The following SHB variants were observed in gnomAD, a reference collection of about 807,000 sequenced individuals.
The protein encoded by SHB is SH2 domain containing adaptor protein B.
A neutral mutation model predicts 52.3 loss-of-function variants in SHB; 20 were observed. The ratio of observed to expected loss-of-function variants is 0.38; its 90% CI spans 0.27 to 0.56. The LOEUF is 0.56. Ranked by LOEUF, SHB falls within the 20% of genes least tolerant of loss-of-function variation. SHB has a pLI of 0.71. For synonymous variants in SHB, 397 were observed against 316.5 expected (o/e 1.25, Z -2.70); for missense variants, 825 against 723.3 (o/e 1.14, Z -1.61).
At chr9:38,008,155 C>T (rs996157463) in intron 2 of SHB, among the ~76,000 whole-genome samples, 15 of 152,228 alleles carry the variant, frequency 9.9e-5, no homozygotes, top group African/African-American at 3.1e-4. Context: ...TGACTGTCTG[C>T]TCTCCTTGGC....
intron 5 of SHB, among the ~76,000 whole-genome samples, chr9:37,930,012 G>A (rs1245011066): frequency 6.6e-6 from 1 of 152,294 alleles, no homozygotes; most frequent in South Asian, 2.1e-4. Flanking sequence ...TGAGGTGGGA[G>A]GATTGCTTGA....
At chr9:37,977,298 G>A (rs1318070379) in intron 2 of SHB, among the ~76,000 whole-genome samples, 1 of 152,208 alleles carries the variant, frequency 6.6e-6, no homozygotes, top group East Asian at 1.9e-4. Context: ...TCTCTGCTGA[G>A]AGGTGAGATT....
At chr9:37,983,640 A>G (rs1820766576) in intron 2 of SHB, among the ~76,000 whole-genome samples, 1 of 152,128 alleles carries the variant, frequency 6.6e-6, no homozygotes, top group South Asian at 2.1e-4. Flanking sequence ...GTAGCAAGCT[A>G]GGTAGAGTTG....
At chr9:37,929,631 C>T (rs985542379) in intron 5 of SHB, among the ~76,000 whole-genome samples, 1 of 152,210 alleles carries the variant, frequency 6.6e-6, no homozygotes. Context: ...GCTGCAGGAG[C>T]GTCTCCTCCA....
chr9:38,014,345 G>A (rs1015442870), intron 2 of SHB, among the ~76,000 whole-genome samples: 2 of 152,260 alleles, frequency 1.3e-5, no homozygotes, highest in Non-Finnish European at 2.9e-5. Flanking sequence ...CAGGCCGCAG[G>A]CCACAGCCCA....
At chr9:38,011,266 A>G (rs746090627) in intron 2 of SHB, among the ~76,000 whole-genome samples, 2 of 152,208 alleles carry the variant, frequency 1.3e-5, no homozygotes, top group Non-Finnish European at 2.9e-5. Context: ...TACAGAGATG[A>G]TGGGGCATGA....
At chr9:38,065,412 T>C (rs968191883) in intron 1 of SHB, among the ~76,000 whole-genome samples, 1 of 152,116 alleles carries the variant, frequency 6.6e-6, no homozygotes, top group Admixed American at 6.5e-5. Flanking sequence ...TGAGTGGTTT[T>C]CAAACCATGG....
chr9:38,011,316 G>C (rs1242540821), intron 2 of SHB, among the ~76,000 whole-genome samples: 1 of 152,160 alleles, frequency 6.6e-6, no homozygotes, highest in Non-Finnish European at 1.5e-5. Flanking sequence ...TCTTTAAATT[G>C]TACACAAGGA....
chr9:37,920,280 CAAAACAAAACAA>C (rs1274715129), intron 5 of SHB, among the ~76,000 whole-genome samples: 1 of 18,828 alleles, frequency 5.3e-5, no homozygotes, highest in Admixed American at 5.6e-4. Context: ...TTCAGAAAAA[CAAAACAAAACAA>C]AACAAAACAA....
chr9:37,933,420 G>T (rs949102474), intron 5 of SHB, among the ~76,000 whole-genome samples: 2 of 152,236 alleles, frequency 1.3e-5, no homozygotes, highest in Non-Finnish European at 2.9e-5. Flanking sequence ...ACATGGGAAG[G>T]AAGGATATTA....
chr9:37,918,932 G>A lies in SHB; in HGVS notation c.*889C>T, dbSNP rs778405256. Among the ~76,000 whole-genome samples, 2 of 152,116 alleles carry A rather than the reference G, an allele frequency of 1.3e-5. No individual in the cohort carries two copies. Among genetic ancestry groups the A allele is most frequent in the African/African-American group, 4.8e-5 (2 of 41,426 alleles). ...CTGGGTTGACTCCCAGAGTGCTACC[G>A]ACTGCCTCAGCCCAGTTGTCAGAGC... is the stretch of plus-strand genomic sequence containing the variant. On this transcript the variant is annotated 3_prime_UTR_variant, in exon 6 of 6. Transcript: ENST00000377707.
rs536983566 is a variant in SHB at position 37,919,607 on chromosome 9, C to T, written c.*214G>A. 4.5e-5 allele frequency: 16 copies of T among 356,304 alleles called. No homozygotes were observed. Among genetic ancestry groups the T allele is most frequent in the Non-Finnish European group, 7.3e-5 (14 of 192,748 alleles). 22.1% of individuals were successfully genotyped at this position (356,304 alleles called of 1,614,324 possible). Reference sequence around the variant, plus strand: ...CTCAAGGAGAGGGTGGGGGTGGGGGCTGGGGTGGTGTGTTGCCGCCCTTCT... The same window carrying T: ...CTCAAGGAGAGGGTGGGGGTGGGGGTTGGGGTGGTGTGTTGCCGCCCTTCT... On this transcript the variant is annotated 3_prime_UTR_variant, in exon 6 of 6. Coordinates refer to ENST00000377707, the MANE Select transcript of SHB (RefSeq NM_003028.3).
Position 37,938,528 on chromosome 9 carries a change from G to A in SHB, c.1346+10107C>T, listed in dbSNP as rs183589124. Among the ~76,000 whole-genome samples, 435 of 152,372 alleles carry A rather than the reference G, an allele frequency of 2.9e-3. 1 individual carries two copies. The highest frequency in any genetic ancestry group is 4.8e-3 in the Non-Finnish European group (326 of 68,032). On this transcript the variant is annotated intron_variant, in intron 5 of 5. Coordinates refer to ENST00000377707, the MANE Select transcript of SHB (RefSeq NM_003028.3). The stretch of plus-strand genomic sequence containing the variant: ...TTCTCATTTGGAGAGACCACCCAAT[G>A]CCTCAGAAGGCAACTGTCCCGGGGC...
At chr9:38,062,049 A>G (rs1000799821) in intron 1 of SHB, among the ~76,000 whole-genome samples, 1 of 152,250 alleles carries the variant, frequency 6.6e-6, no homozygotes, top group Non-Finnish European at 1.5e-5. Flanking sequence ...ACACCAAAGC[A>G]AAGGCTGAAA....
chr9:37,991,436 T>C (rs1411913592), intron 2 of SHB, among the ~76,000 whole-genome samples: 1 of 152,274 alleles, frequency 6.6e-6, no homozygotes, highest in East Asian at 1.9e-4. Context: ...TTTCACTTCA[T>C]GTAATGTTTA....
intron 1 of SHB, among the ~76,000 whole-genome samples, chr9:38,022,183 C>T (rs1821289712): frequency 6.6e-6 from 1 of 152,152 alleles, no homozygotes; most frequent in South Asian, 2.1e-4. Context: ...GTTGTGCCTC[C>T]CCTCATCACA....
intron 1 of SHB, among the ~76,000 whole-genome samples, chr9:38,067,397 TG>T (rs761812216): frequency 7.6e-4 from 114 of 150,592 alleles, no homozygotes; most frequent in Middle Eastern, 3.4e-3. Flanking sequence ...AACCTAGAGC[TG>T]GGGGTGGGGC....
Position 37,919,656 on chromosome 9 carries a change from C to T in SHB, c.*165G>A. 1.8e-6 allele frequency: 1 copy of T among 559,804 alleles called. No homozygotes were observed. Among genetic ancestry groups the T allele is most frequent in the Non-Finnish European group, 3.2e-6 (1 of 314,776 alleles). The allele number at this position is 559,804 out of a possible 1,614,324, so 34.7% of individuals were successfully genotyped here. On this transcript the variant is annotated 3_prime_UTR_variant, in exon 6 of 6. Transcript: ENST00000377707. Reference sequence around the variant, plus strand: ...CTGTCTTTATCCAGGCCTTCTCCAGCCCCCGTAAGTGGCAACAGCATTCTA... The same window carrying T: ...CTGTCTTTATCCAGGCCTTCTCCAGTCCCCGTAAGTGGCAACAGCATTCTA...
At chr9:38,029,797 G>A (rs1009720253) in intron 1 of SHB, among the ~76,000 whole-genome samples, 5 of 152,128 alleles carry the variant, frequency 3.3e-5, no homozygotes, top group African/African-American at 1.2e-4. Flanking sequence ...GGCCTGCTAT[G>A]AGATTTAAAT....
Sources: gnomAD v4.1 joint callset for allele counts (sites outside exome capture counted in the v4.1 genomes callset) on GRCh38, gnomAD v4.1.1 for gene constraint, MANE v1.5 for transcripts, NCBI Gene and HGNC (gene_info 2026-07-23, HGNC 2026-07-21) for gene names.